The following SLC7A14 variants were observed in gnomAD, a reference collection of about 807,000 sequenced individuals.
The protein encoded by SLC7A14 is solute carrier family 7 member 14, also known as gamma-aminobutyric acid transporter SLC7A14.
Under a neutral mutation model 60.2 loss-of-function variants are expected in SLC7A14, and 37 were observed. The ratio of observed to expected loss-of-function variants is 0.61; its 90% CI spans 0.47 to 0.81. The LOEUF (loss-of-function observed/expected upper bound fraction) is 0.81. Among genes scored for constraint, SLC7A14 ranks in the 30% least tolerant of loss-of-function variants. The pLI is 0.00. For missense variants in SLC7A14, 886 were observed against 982.7 expected, an observed-to-expected ratio of 0.90 and a Z score of 1.32; for synonymous variants, 399 against 395.8, an observed-to-expected ratio of 1.01 and a Z score of -0.10.
intron 1 of SLC7A14, among the ~76,000 whole-genome samples, chr3:170,562,925 T>C (rs1290123395): frequency 6.6e-6 from 1 of 151,974 alleles, no homozygotes; most frequent in Admixed American, 6.6e-5. Flanking sequence ...CACTCCTGTC[T>C]AATTTTTGTA....
chr3:170,542,681 T>C (rs1440422311), intron 1 of SLC7A14, among the ~76,000 whole-genome samples: 1 of 152,244 alleles, frequency 6.6e-6, no homozygotes, highest in Non-Finnish European at 1.5e-5. Flanking sequence ...CCGTGGGTTG[T>C]GTGTGCATGT....
chr3:170,567,579 G>T lies in SLC7A14; in HGVS notation c.-153+18332C>A, dbSNP rs568124733. Among the ~76,000 whole-genome samples the T allele has an allele frequency of 3.2e-3, 477 of 149,016 alleles. 1 individual carries two copies. Among genetic ancestry groups the T allele is most frequent in the Non-Finnish European group, 5.4e-3 (359 of 66,944 alleles). ...TCTAGTTCTAGATCCCTGAGGAATC[G>T]CCACACTGACTTCCACAATGGTTGA... On this transcript the variant is annotated intron_variant, in intron 1 of 7. Transcript: ENST00000231706.
rs2108258475 is a variant in SLC7A14 at position 170,459,553 on chromosome 3, T to G, written c.*7502A>C. ...AGGGGTAGGATGGCACTGACTTTCT[T>G]CAAATTTAAATTTTATTAGTCGATT... is the stretch of plus-strand genomic sequence containing the variant. On this transcript the variant is annotated 3_prime_UTR_variant, in exon 8 of 8. Transcript: ENST00000231706. 1 of 152,318 alleles carries G rather than the reference T, an allele frequency of 6.6e-6. No homozygotes were observed. The highest frequency in any genetic ancestry group is 2.1e-4 in the South Asian group (1 of 4,824). The allele number at this position is 152,318 out of a possible 1,614,324, so 9.4% of individuals were successfully genotyped here.
chr3:170,555,653 A>G (rs1245470070), intron 1 of SLC7A14, among the ~76,000 whole-genome samples: 2 of 152,198 alleles, frequency 1.3e-5, no homozygotes, highest in Non-Finnish European at 2.9e-5. Context: ...CCTGTACAGC[A>G]TGTGACTATA....
chr3:170,585,006 T>G lies in SLC7A14; in HGVS notation c.-153+905A>C, dbSNP rs1185473339. ...TAGCCTTCCTGCATCTCTTCTCGCC[T>G]TTGCTTTGCTCACTCTTCAATCGCA... On this transcript the variant is annotated intron_variant, in intron 1 of 7. Transcript: ENST00000231706. This position sits in a 1 kb window ranked among gnomAD's most constrained non-coding sequence, Gnocchi z 5.1. Among the ~76,000 whole-genome samples the G allele has an allele frequency of 1.3e-5, 2 of 152,064 alleles. No individual in the cohort carries two copies. Among genetic ancestry groups the G allele is most frequent in the Non-Finnish European group, 2.9e-5 (2 of 68,002 alleles).
intron 2 of SLC7A14, among the ~76,000 whole-genome samples, chr3:170,517,213 T>C (rs925801390): frequency 3.9e-5 from 6 of 152,362 alleles, no homozygotes; most frequent in Admixed American, 3.9e-4. Flanking sequence ...AATTATATCT[T>C]AGAGACTTTA....
At chr3:170,577,128 A>G (rs1715113938) in intron 1 of SLC7A14, among the ~76,000 whole-genome samples, 4 of 152,182 alleles carry the variant, frequency 2.6e-5, no homozygotes, top group Admixed American at 1.3e-4. Context: ...AGGAGCTTTA[A>G]TTAATGCCAT....
intron 1 of SLC7A14, among the ~76,000 whole-genome samples, chr3:170,548,118 C>G (rs986622731): frequency 6.6e-6 from 1 of 152,120 alleles, no homozygotes; most frequent in Non-Finnish European, 1.5e-5. Context: ...TTTCATCAAT[C>G]TTGGTAATCT....
In SLC7A14 at chr3:170,466,851, C is replaced by T. The variant is rs957533152; in HGVS notation, c.*204G>A. 1.1e-4 allele frequency: 58 copies of T among 517,958 alleles called. No individual in the cohort carries two copies. The highest frequency in any genetic ancestry group is 8.1e-4 in the Middle Eastern group (2 of 2,466). The allele number at this position is 517,958 out of a possible 1,614,324, so 32.1% of individuals were successfully genotyped here. ...TATTTATTTATTTTATTTAACAAGG[C>T]GACCAGTTAGGGGACCCAGGTTAAG... On this transcript the variant is annotated 3_prime_UTR_variant, in exon 8 of 8. Transcript: ENST00000231706.
chr3:170,576,177 T>C (rs1715085198), intron 1 of SLC7A14, among the ~76,000 whole-genome samples: 1 of 152,250 alleles, frequency 6.6e-6, no homozygotes, highest in African/African-American at 2.4e-5. Context: ...TAATATGTTA[T>C]AGCATGTGTC....
intron 1 of SLC7A14, among the ~76,000 whole-genome samples, chr3:170,566,105 G>A (rs1714780196): frequency 6.6e-6 from 1 of 152,160 alleles, no homozygotes; most frequent in African/African-American, 2.4e-5. Context: ...GAGAAGCAAA[G>A]GGACCTGTGT....
chr3:170,495,705 AC>A, intron 4 of SLC7A14: 2 of 1,074,260 alleles, frequency 1.9e-6, no homozygotes, highest in Non-Finnish European at 2.9e-6. Flanking sequence ...GGCCATGCAC[AC>A]CCAGGAGAAG....
At chr3:170,523,925 T>C (rs1333792615) in intron 2 of SLC7A14, among the ~76,000 whole-genome samples, 4 of 152,196 alleles carry the variant, frequency 2.6e-5, no homozygotes, top group African/African-American at 9.6e-5. Context: ...TATGCTAACA[T>C]TGGCATAAGT....
intron 1 of SLC7A14, among the ~76,000 whole-genome samples, chr3:170,537,630 C>T (rs942517650): frequency 5.3e-5 from 8 of 152,158 alleles, no homozygotes; most frequent in Non-Finnish European, 1.0e-4. Context: ...AAAATTCTGT[C>T]CCTAATTAAA....
chr3:170,530,605 G>A (rs778977417), intron 1 of SLC7A14, among the ~76,000 whole-genome samples: 2 of 152,224 alleles, frequency 1.3e-5, no homozygotes, highest in African/African-American at 2.4e-5. Flanking sequence ...TTTTATTCAG[G>A]TGAGCAATAT....
intron 4 of SLC7A14, among the ~76,000 whole-genome samples, chr3:170,491,520 G>A (rs891309956): frequency 6.6e-6 from 1 of 152,206 alleles, no homozygotes; most frequent in Non-Finnish European, 1.5e-5. Flanking sequence ...CAGGTCTGGG[G>A]AGTATTTAGG....
At chr3:170,490,610 C>G (rs945126493) in intron 4 of SLC7A14, among the ~76,000 whole-genome samples, 2 of 152,124 alleles carry the variant, frequency 1.3e-5, no homozygotes, top group Non-Finnish European at 2.9e-5. Context: ...TGTGCAGTAC[C>G]GGCAGTTGGA....
chr3:170,476,564 G>T (rs563148962), intron 7 of SLC7A14, among the ~76,000 whole-genome samples: 3 of 152,296 alleles, frequency 2.0e-5, no homozygotes, highest in African/African-American at 7.2e-5. Flanking sequence ...CCTGATAGCT[G>T]GAAGGGCAGC....
intron 2 of SLC7A14, among the ~76,000 whole-genome samples, chr3:170,508,437 C>T (rs114374331): frequency 2.5e-3 from 375 of 152,328 alleles, no homozygotes; most frequent in Non-Finnish European, 3.3e-3. Flanking sequence ...AGGTATTTTG[C>T]GCATACTGTG....
Sources: gnomAD v4.1 joint callset for allele counts (sites outside exome capture counted in the v4.1 genomes callset) on GRCh38, gnomAD v4.1.1 for gene constraint, Gnocchi (gnomAD v3.1) non-coding constraint, MANE v1.5 for transcripts, NCBI Gene and HGNC (gene_info 2026-07-23, HGNC 2026-07-21) for gene names.